FRMPD1: variants seen among roughly 807,000 people sequenced by gnomAD.
The protein encoded by FRMPD1 is FERM and PDZ domain-containing protein 1.
A neutral mutation model predicts 117.8 loss-of-function variants in FRMPD1; 76 were observed. The ratio of observed to expected loss-of-function variants is 0.65; its 90% CI spans 0.54 to 0.78. The LOEUF is 0.78. Among genes scored for constraint, FRMPD1 ranks in the 30% least tolerant of loss-of-function variants. FRMPD1 has a pLI of 0.00. For missense variants in FRMPD1, 1,786 were observed against 1,964.5 expected, an observed-to-expected ratio of 0.91 and a Z score of 1.72; for synonymous variants, 783 against 770.4, an observed-to-expected ratio of 1.02 and a Z score of -0.27.
chr9:37,678,556 C>T (rs1925964), intron 1 of FRMPD1, among the ~76,000 whole-genome samples: 17,277 of 152,094 alleles, frequency 0.11, 1,083 homozygotes, highest in Middle Eastern at 0.17. Flanking sequence ...CCACCACACC[C>T]GGCGTACTTA....
At chr9:37,627,451 T>C in the FRMPD1 span, among the ~76,000 whole-genome samples, 1 of 152,212 alleles carries the variant, frequency 6.6e-6, no homozygotes, top group Non-Finnish European at 1.5e-5. Context: ...CCAGTCATTG[T>C]TGAGATTATT....
intron 2 of FRMPD1, 86 bp downstream of exon 2, chr9:37,692,828 G>A: frequency 1.1e-6 from 1 of 950,814 alleles, no homozygotes; most frequent in Non-Finnish European, 1.7e-6. Flanking sequence ...CCGCACCTTG[G>A]GATTGCTGTC....
At chr9:37,701,620 G>A (rs1056182273) in intron 2 of FRMPD1, among the ~76,000 whole-genome samples, 3 of 151,944 alleles carry the variant, frequency 2.0e-5, no homozygotes, top group African/African-American at 7.3e-5. Context: ...CTTAGAGTAG[G>A]CTAGTTTGAC....
At chr9:37,741,927 G>A (rs1824442177) in intron 15 of FRMPD1, among the ~76,000 whole-genome samples, 1 of 152,156 alleles carries the variant, frequency 6.6e-6, no homozygotes, top group Non-Finnish European at 1.5e-5. Context: ...GGCTTCCCAG[G>A]CCAGGGCAAG....
At chr9:37,635,750 T>C in the FRMPD1 span, among the ~76,000 whole-genome samples, 1 of 151,638 alleles carries the variant, frequency 6.6e-6, no homozygotes, top group Middle Eastern at 3.2e-3. Context: ...GGGTGCAGAG[T>C]GGGTGGGCAG....
In FRMPD1 at chr9:37,654,063, A is replaced by T. The variant is rs538182435; in HGVS notation, c.-5+2969A>T. 3.3e-5 allele frequency among the ~76,000 whole-genome samples: 5 copies of T among 152,310 alleles called. No homozygotes were observed. The South Asian group carries it at 1.0e-3, about 32-fold the overall frequency. On this transcript the variant is annotated intron_variant, in intron 1 of 15. Coordinates refer to ENST00000377765, the MANE Select transcript of FRMPD1 (RefSeq NM_014907.3). Reference sequence around the variant, plus strand: ...GTACTGTCCTTCATTTTTTCAATCAATGGTTGTTCATAGAACACCTGCTCT... The same window carrying T: ...GTACTGTCCTTCATTTTTTCAATCATTGGTTGTTCATAGAACACCTGCTCT...
chr9:37,722,526 G>A (rs1385945432), intron 6 of FRMPD1, among the ~76,000 whole-genome samples: 1 of 152,116 alleles, frequency 6.6e-6, no homozygotes, highest in Non-Finnish European at 1.5e-5. Flanking sequence ...TTCTGTCTCA[G>A]CCTCCAGTGT....
At chr9:37,710,249 G>A (rs903413060) in intron 4 of FRMPD1, among the ~76,000 whole-genome samples, 2 of 152,146 alleles carry the variant, frequency 1.3e-5, no homozygotes, top group African/African-American at 4.8e-5. Flanking sequence ...GACATCTTGG[G>A]TTGAGTTTAT....
At chr9:37,656,093 G>A (rs1018410959) in intron 1 of FRMPD1, among the ~76,000 whole-genome samples, 2 of 152,150 alleles carry the variant, frequency 1.3e-5, no homozygotes, top group East Asian at 1.9e-4. Context: ...TGGGAGGGCC[G>A]GCACAATGTC....
chr9:37,625,563 A>G, the FRMPD1 span, among the ~76,000 whole-genome samples: 1 of 152,342 alleles, frequency 6.6e-6, no homozygotes, highest in Admixed American at 6.5e-5. Context: ...GACCCTGGAC[A>G]GTTCCTAAGT....
chr9:37,670,712 C>A (rs1256528174), intron 1 of FRMPD1, among the ~76,000 whole-genome samples: 1 of 152,204 alleles, frequency 6.6e-6, no homozygotes, highest in Non-Finnish European at 1.5e-5. Flanking sequence ...GGAGGTATGA[C>A]CAAGCTGTGC....
At chr9:37,615,303 G>A in the FRMPD1 span, among the ~76,000 whole-genome samples, 12 of 152,114 alleles carry the variant, frequency 7.9e-5, no homozygotes, top group East Asian at 2.1e-3. Flanking sequence ...TAGAGATGGG[G>A]TTTAGCTGTG....
the FRMPD1 span, among the ~76,000 whole-genome samples, chr9:37,632,067 G>T: frequency 6.6e-6 from 1 of 152,156 alleles, no homozygotes; most frequent in East Asian, 1.9e-4. Flanking sequence ...TATATACATA[G>T]ATGGGCTATA....
intron 1 of FRMPD1, chr9:37,669,741 T>C (rs7864304): frequency 1 from 152,232 of 152,420 alleles, 76,022 homozygotes; most frequent in Middle Eastern, 1. Context: ...CTCCTGTAAT[T>C]CCAGCACTTT....
chr9:37,707,860 C>A (rs1304051952), intron 3 of FRMPD1, among the ~76,000 whole-genome samples: 3 of 152,246 alleles, frequency 2.0e-5, no homozygotes, highest in Non-Finnish European at 4.4e-5. Context: ...AAGTATTTGG[C>A]TAAGCTAGCC....
At chr9:37,736,769 G>A (rs1312391263) in intron 13 of FRMPD1, among the ~76,000 whole-genome samples, 3 of 152,030 alleles carry the variant, frequency 2.0e-5, no homozygotes, top group Admixed American at 6.6e-5. Context: ...TGGATATGGC[G>A]CTGGGGTAGA....
the FRMPD1 span, among the ~76,000 whole-genome samples, chr9:37,615,723 G>A: frequency 9.9e-5 from 15 of 152,098 alleles, no homozygotes; most frequent in Middle Eastern, 0.01. Flanking sequence ...TAACATTGTC[G>A]GGATTTCCCA....
chr9:37,610,479 C>A, the FRMPD1 span, among the ~76,000 whole-genome samples: 1 of 151,650 alleles, frequency 6.6e-6, no homozygotes, highest in African/African-American at 2.4e-5. Flanking sequence ...GTCAAAAAAA[C>A]AACAACAAAA....
chr9:37,666,751 T>C (rs1821171788), intron 1 of FRMPD1, among the ~76,000 whole-genome samples: 1 of 152,222 alleles, frequency 6.6e-6, no homozygotes, highest in African/African-American at 2.4e-5. Flanking sequence ...TTGATGACTT[T>C]TCAAGCTTCT....
Sources: gnomAD v4.1 joint callset for allele counts (sites outside exome capture counted in the v4.1 genomes callset) on GRCh38, gnomAD v4.1.1 for gene constraint, MANE v1.5 for transcripts, NCBI Gene and HGNC (gene_info 2026-07-23, HGNC 2026-07-21) for gene names.